GPLD1: variants seen among roughly 807,000 people sequenced by gnomAD.
GPLD1 encodes the protein glycosylphosphatidylinositol specific phospholipase D1, also known as phosphatidylinositol-glycan-specific phospholipase D.
In GPLD1, 84 loss-of-function variants were observed where a neutral mutation model predicts 112.6. The observed-to-expected ratio is 0.75, with a 90% CI of 0.63 to 0.89. GPLD1 has a LOEUF of 0.89. Ranked by LOEUF, GPLD1 falls within the 40% of genes least tolerant of loss-of-function variation. The pLI is 0.00. For missense variants in GPLD1, 1,044 were observed against 1,051.5 expected (o/e 0.99, Z 0.10); for synonymous variants, 386 against 403.8 (o/e 0.96, Z 0.53).
intron 7 of GPLD1, among the ~76,000 whole-genome samples, chr6:24,467,999 C>T (rs1240078486): frequency 2.6e-5 from 4 of 152,048 alleles, no homozygotes; most frequent in African/African-American, 7.2e-5. Context: ...CTCCGCCTCC[C>T]GGGTTCAAGC....
intron 3 of GPLD1, among the ~76,000 whole-genome samples, chr6:24,479,451 T>C (rs905222246): frequency 1.3e-5 from 2 of 152,230 alleles, no homozygotes; most frequent in Non-Finnish European, 2.9e-5. Context: ...TGTGCATTAA[T>C]GCCAAGGACA....
At position 24,425,983 on chromosome 6, in the gene GPLD1, G is replaced by A. The variant is rs1375070117; in HGVS notation, c.*3049C>T. ...GAGGTGAGCTAATGGATGGTACATG[G>A]AGTAGGGACTGCAGAGACCCTAGTT... On this transcript the variant is annotated 3_prime_UTR_variant, in exon 25 of 25. Transcript: ENST00000230036. 2 of 152,170 alleles carry A rather than the reference G, an allele frequency of 1.3e-5. No individual in the cohort carries two copies. Among genetic ancestry groups the A allele is most frequent in the African/African-American group, 2.4e-5 (1 of 41,436 alleles). 9.4% of individuals were successfully genotyped at this position (152,170 alleles called of 1,614,324 possible).
At chr6:24,429,991 A>G (rs1762352841) in intron 24 of GPLD1, among the ~76,000 whole-genome samples, 1 of 152,146 alleles carries the variant, frequency 6.6e-6, no homozygotes, top group Non-Finnish European at 1.5e-5. Flanking sequence ...TCAGAGCAGG[A>G]TATGACAGTT....
intron 7 of GPLD1, among the ~76,000 whole-genome samples, chr6:24,469,936 A>G (rs1190086250): frequency 6.6e-6 from 1 of 152,178 alleles, no homozygotes; most frequent in African/African-American, 2.4e-5. Flanking sequence ...AAAATAGCTT[A>G]AAAAGTCAGA....
chr6:24,482,290 T>C (rs1764231176), intron 2 of GPLD1, among the ~76,000 whole-genome samples: 1 of 151,608 alleles, frequency 6.6e-6, no homozygotes, highest in Admixed American at 6.6e-5. Flanking sequence ...TTTTCTTTTT[T>C]TCTTTTTTGA....
At chr6:24,441,148 A>AAT (rs1762734453) in intron 20 of GPLD1, among the ~76,000 whole-genome samples, 1 of 139,998 alleles carries the variant, frequency 7.1e-6, no homozygotes, top group South Asian at 2.3e-4. Flanking sequence ...ACTAAAAATA[A>AAT]AAAAAAAAAT....
At chr6:24,434,538 C>G (rs1172029158) in intron 22 of GPLD1, among the ~76,000 whole-genome samples, 1 of 152,164 alleles carries the variant, frequency 6.6e-6, no homozygotes, top group African/African-American at 2.4e-5. Context: ...TGTGCCCTGC[C>G]TTCCTGGCAG....
intron 14 of GPLD1, among the ~76,000 whole-genome samples, chr6:24,452,135 G>A (rs1398938676): frequency 6.6e-6 from 1 of 152,158 alleles, no homozygotes; most frequent in East Asian, 1.9e-4. Context: ...ACTAGGGGAG[G>A]AGGGCATGGA....
At chr6:24,464,201 C>A (rs78420872) in intron 10 of GPLD1, among the ~76,000 whole-genome samples, 14,087 of 152,184 alleles carry the variant, frequency 0.093, 886 homozygotes, top group South Asian at 0.15. Flanking sequence ...CTATTCTAAA[C>A]CCTTTACATG....
chr6:24,471,876 A>G (rs1763835273), intron 7 of GPLD1, among the ~76,000 whole-genome samples: 1 of 152,182 alleles, frequency 6.6e-6, no homozygotes, highest in Non-Finnish European at 1.5e-5. Context: ...CTGTGCCACC[A>G]CACCTAGCTA....
chr6:24,452,365 C>T (rs907027730), intron 14 of GPLD1, among the ~76,000 whole-genome samples: 2 of 152,092 alleles, frequency 1.3e-5, no homozygotes, highest in Non-Finnish European at 2.9e-5. Context: ...AAATGCTGTC[C>T]CTCTGGGACT....
intron 3 of GPLD1, 108 bp downstream of exon 3, chr6:24,479,773 G>A: frequency 1.6e-6 from 1 of 606,196 alleles, no homozygotes; most frequent in Non-Finnish European, 2.9e-6. Context: ...AATATACTGT[G>A]CAATTAAAAA....
At chr6:24,464,286 A>G (rs1379649277) in intron 10 of GPLD1, among the ~76,000 whole-genome samples, 2 of 152,204 alleles carry the variant, frequency 1.3e-5, no homozygotes, top group African/African-American at 4.8e-5. Context: ...AGGTGAGGAA[A>G]TAAGATTTTG....
chr6:24,448,563 TGA>T (rs1302904802), intron 15 of GPLD1, among the ~76,000 whole-genome samples: 20 of 148,422 alleles, frequency 1.3e-4, no homozygotes, highest in Admixed American at 1.3e-3. Flanking sequence ...CATCAGACTA[TGA>T]GAGTCCACAA....
At chr6:24,492,208 A>C (rs1346302572), upstream of GPLD1, among the ~76,000 whole-genome samples, 1 of 152,134 alleles carries the variant, frequency 6.6e-6, no homozygotes, top group Non-Finnish European at 1.5e-5. Flanking sequence ...CCAGTCTAGA[A>C]AATGGGGGAG....
rs793712 is a variant in GPLD1 at position 24,446,654 on chromosome 6, T to C, written c.1820+184A>G. On this transcript the variant is annotated intron_variant, in intron 18 of 24. Coordinates refer to ENST00000230036, the MANE Select transcript of GPLD1 (RefSeq NM_001503.4). ...TCCAGAACTGTGAGAAAATAATACA[T>C]TTGTCTATTGTATTTTTAAATTTCT... is the stretch of plus-strand genomic sequence containing the variant. Among the ~76,000 whole-genome samples, 109,013 of 152,144 alleles carry C rather than the reference T, an allele frequency of 0.72. 39,323 individuals are homozygous for C. The highest frequency in any genetic ancestry group is 0.84 in the East Asian group (4,374 of 5,182).
rs1328463387 is a variant in GPLD1 at position 24,428,349 on chromosome 6, G to A, written c.*683C>T. On this transcript the variant is annotated 3_prime_UTR_variant, in exon 25 of 25. Coordinates refer to ENST00000230036, the MANE Select transcript of GPLD1 (RefSeq NM_001503.4). ...TACACAGATTATTTCATCACCCTAA[G>A]TATCCATTAGTTATTTTTCCTGATC... 6.6e-6 allele frequency: 1 copy of A among 152,048 alleles called. No individual in the cohort carries two copies. Among genetic ancestry groups the A allele is most frequent in the Non-Finnish European group, 1.5e-5 (1 of 68,000 alleles). The allele number at this position is 152,048 out of a possible 1,614,324, so 9.4% of individuals were successfully genotyped here. A position where few individuals can be genotyped will look rare whatever the true frequency, so the allele number is the denominator to read the frequency against.
At chr6:24,480,077 G>T in intron 2 of GPLD1, 118 bp from the exon 3 acceptor site, 1 of 645,620 alleles carries the variant, frequency 1.5e-6, no homozygotes. Flanking sequence ...TGGAATGAAA[G>T]GGAAAAAGGA....
intron 16 of GPLD1, 46 bp downstream of exon 16, chr6:24,448,088 A>T (rs1301531919): frequency 1.9e-6 from 3 of 1,612,092 alleles, no homozygotes; most frequent in African/African-American, 2.7e-5. Flanking sequence ...CAGTTAGGAT[A>T]CAGCGAGTTC....
Sources: gnomAD v4.1 joint callset for allele counts (sites outside exome capture counted in the v4.1 genomes callset) on GRCh38, gnomAD v4.1.1 for gene constraint, MANE v1.5 for transcripts, NCBI Gene and HGNC (gene_info 2026-07-23, HGNC 2026-07-21) for gene names.